Variants in COL11A1 observed in about 807,000 individuals in gnomAD.
The protein encoded by COL11A1 is collagen alpha-1(XI) chain.
COL11A1 carries 74 observed loss-of-function variants against 265.2 expected under a neutral mutation model. The observed-to-expected ratio is 0.28, with a 90% confidence interval of 0.23 to 0.34. The LOEUF is 0.34. Among genes scored for constraint, COL11A1 ranks in the 10% least tolerant of loss-of-function variants. COL11A1 has a pLI of 1.00. For synonymous variants in COL11A1, 816 were observed against 727.6 expected (o/e 1.12, Z -1.96); for missense variants, 2,165 against 2,263.6 (o/e 0.96, Z 0.88).
At chr1:103,054,699 C>T (rs763564265) in intron 4 of COL11A1, among the ~76,000 whole-genome samples, 3 of 151,920 alleles carry the variant, frequency 2.0e-5, no homozygotes, top group South Asian at 4.1e-4. Flanking sequence ...GTCGGGAGTT[C>T]GAGACCAGCC....
chr1:103,089,202 T>C (rs1673108605), intron 1 of COL11A1, among the ~76,000 whole-genome samples: 1 of 152,186 alleles, frequency 6.6e-6, no homozygotes, highest in Non-Finnish European at 1.5e-5. Context: ...CAGACATCCA[T>C]ATTTTTTAAG....
At chr1:103,051,655 C>T (rs1669839233) in intron 4 of COL11A1, among the ~76,000 whole-genome samples, 1 of 152,194 alleles carries the variant, frequency 6.6e-6, no homozygotes. Context: ...AACCCGGTAC[C>T]TCAGTTGGAA....
chr1:102,941,810 G>A (rs1292671473), intron 42 of COL11A1, among the ~76,000 whole-genome samples: 1 of 152,074 alleles, frequency 6.6e-6, no homozygotes, highest in African/African-American at 2.4e-5. Flanking sequence ...TGTATTTAGT[G>A]ATTCTTTGCA....
At chr1:102,936,703 A>G (rs1658185602) in intron 44 of COL11A1, among the ~76,000 whole-genome samples, 1 of 152,190 alleles carries the variant, frequency 6.6e-6, no homozygotes, top group African/African-American at 2.4e-5. Context: ...AATGAAGGAT[A>G]TTACAAAATT....
chr1:102,920,978 C>T (rs1278234627), intron 48 of COL11A1, among the ~76,000 whole-genome samples: 1 of 152,086 alleles, frequency 6.6e-6, no homozygotes, highest in East Asian at 1.9e-4. Flanking sequence ...TTAATGGTAA[C>T]AGTAAGATAA....
chr1:102,982,953 TGATA>T (rs1480764465), intron 31 of COL11A1, among the ~76,000 whole-genome samples: 1 of 152,070 alleles, frequency 6.6e-6, no homozygotes, highest in Non-Finnish European at 1.5e-5. Context: ...CTCAATAAAC[TGATA>T]GATTGATATA....
At chr1:103,078,570 T>C in intron 3 of COL11A1, 88 bp downstream of exon 3, 1 of 1,290,648 alleles carries the variant, frequency 7.7e-7, no homozygotes, top group Non-Finnish European at 1.1e-6. Context: ...TAGAAAAACC[T>C]TATCACACTT....
intron 4 of COL11A1, among the ~76,000 whole-genome samples, chr1:103,038,625 G>A (rs1242728889): frequency 2.0e-5 from 3 of 152,140 alleles, no homozygotes; most frequent in Admixed American, 2.0e-4. Context: ...CATGTGAACT[G>A]AAACTCAAAA....
chr1:102,984,717 T>C (rs1663372563), intron 30 of COL11A1, among the ~76,000 whole-genome samples: 1 of 152,088 alleles, frequency 6.6e-6, no homozygotes, highest in Non-Finnish European at 1.5e-5. Context: ...AATTCAGAAT[T>C]AAATTTTAAG....
intron 4 of COL11A1, among the ~76,000 whole-genome samples, chr1:103,042,428 C>T (rs6665095): frequency 0.012 from 1,835 of 152,068 alleles, 44 homozygotes; most frequent in African/African-American, 0.042. Flanking sequence ...TAAAGGAATA[C>T]TTGTTATTCA....
intron 4 of COL11A1, among the ~76,000 whole-genome samples, chr1:103,055,452 A>T (rs1038798249): frequency 6.6e-6 from 1 of 152,240 alleles, no homozygotes; most frequent in African/African-American, 2.4e-5. Flanking sequence ...AAAACATATA[A>T]TGTTAATTTT....
At chr1:102,904,311 T>C (rs1017975935) in intron 54 of COL11A1, among the ~76,000 whole-genome samples, 2 of 152,150 alleles carry the variant, frequency 1.3e-5, no homozygotes, top group South Asian at 2.1e-4. Flanking sequence ...GACATAGGCA[T>C]GGGCAAGGAC....
intron 28 of COL11A1, among the ~76,000 whole-genome samples, chr1:102,994,507 C>G (rs914339681): frequency 6.6e-6 from 1 of 152,074 alleles, no homozygotes; most frequent in African/African-American, 2.4e-5. Flanking sequence ...TTCCAAGAAG[C>G]AGATGCCACT....
chr1:102,912,096 A>C, intron 54 of COL11A1, 63 bp downstream of exon 54: 1 of 1,306,412 alleles, frequency 7.7e-7, no homozygotes, highest in African/African-American at 1.5e-5. Context: ...TACACACATT[A>C]TATAAATTTA....
intron 57 of COL11A1, among the ~76,000 whole-genome samples, chr1:102,895,124 A>G (rs1652257217): frequency 6.6e-6 from 1 of 152,166 alleles, no homozygotes; most frequent in Non-Finnish European, 1.5e-5. Context: ...AATAAATACT[A>G]TATCACATCT....
intron 15 of COL11A1, among the ~76,000 whole-genome samples, chr1:103,007,661 C>T (rs563668541): frequency 5.3e-4 from 80 of 152,000 alleles, no homozygotes; most frequent in Admixed American, 1.7e-3. Flanking sequence ...AGTTTGAGAC[C>T]AGACTGGGCA....
chr1:102,973,961 C>T (rs1662217456), intron 36 of COL11A1, among the ~76,000 whole-genome samples: 1 of 152,168 alleles, frequency 6.6e-6, no homozygotes, highest in Admixed American at 6.5e-5. Flanking sequence ...CACAGAGGTT[C>T]ACACACTTTA....
chr1:103,017,962 G>C (rs1229904105), intron 10 of COL11A1, 80 bp from the exon 11 acceptor site: 6 of 1,107,412 alleles, frequency 5.4e-6, no homozygotes, highest in Non-Finnish European at 6.9e-6. Context: ...TCCTATCGAA[G>C]AGTTCGTTTA....
At chr1:102,883,153 T>C (rs759206962) in intron 64 of COL11A1, 46 bp downstream of exon 64, 2 of 1,242,952 alleles carry the variant, frequency 1.6e-6, no homozygotes, top group Admixed American at 1.7e-5. Flanking sequence ...TTGCAAAACA[T>C]GGCAGGAACT....
Sources: allele counts gnomAD v4.1 joint callset (sites outside exome capture counted in the v4.1 genomes callset), GRCh38; gene constraint gnomAD v4.1.1; transcripts MANE v1.5; gene names NCBI Gene and HGNC (gene_info 2026-07-23, HGNC 2026-07-21).